SPATA6: variants seen among roughly 807,000 people sequenced by gnomAD.
The protein encoded by SPATA6 is spermatogenesis associated 6, also known as spermatogenesis-associated protein 6.
In SPATA6, 56 loss-of-function variants were observed where a neutral mutation model predicts 65.3. That is an observed-to-expected ratio of 0.86 (90% CI 0.69 to 1.07). The LOEUF (loss-of-function observed/expected upper bound fraction) is 1.07, where lower values mean the gene tolerates loss of function less well. Among genes scored for constraint, SPATA6 ranks in the 50% least tolerant of loss-of-function variants. The pLI is 0.00. For synonymous variants in SPATA6, 199 were observed against 213.2 expected (o/e 0.93, Z 0.58); for missense variants, 590 against 594.8 (o/e 0.99, Z 0.08).
intron 11 of SPATA6, among the ~76,000 whole-genome samples, chr1:48,320,233 T>C (rs767925547): frequency 7.2e-5 from 11 of 152,126 alleles, no homozygotes; most frequent in Non-Finnish European, 1.5e-4. Context: ...AAAGCCTAGA[T>C]AAAGATATTG....
intron 4 of SPATA6, among the ~76,000 whole-genome samples, chr1:48,412,415 T>A (rs1163207499): frequency 6.6e-6 from 1 of 152,180 alleles, no homozygotes. Flanking sequence ...AACTTAAAAG[T>A]CAATTTTTAT....
chr1:48,413,505 T>C (rs1270056433), intron 3 of SPATA6, among the ~76,000 whole-genome samples: 2 of 147,692 alleles, frequency 1.4e-5, no homozygotes, highest in Admixed American at 6.9e-5. Flanking sequence ...GGTTTCACCA[T>C]GTTGGCCAGG....
intron 3 of SPATA6, among the ~76,000 whole-genome samples, chr1:48,440,203 G>A (rs774665274): frequency 1.3e-5 from 2 of 152,088 alleles, no homozygotes; most frequent in Non-Finnish European, 2.9e-5. Flanking sequence ...AAGCTGTAGG[G>A]GGAGGGTAAT....
chr1:48,426,052 A>T (rs1303107202), intron 3 of SPATA6, among the ~76,000 whole-genome samples: 2 of 152,238 alleles, frequency 1.3e-5, no homozygotes, highest in African/African-American at 2.4e-5. Context: ...TAAGCCACAG[A>T]GTGGGACAAG....
At chr1:48,336,007 T>C (rs1646049239) in intron 11 of SPATA6, among the ~76,000 whole-genome samples, 3 of 151,834 alleles carry the variant, frequency 2.0e-5, no homozygotes, top group African/African-American at 7.3e-5. Flanking sequence ...AGGCATACAA[T>C]GCACCAAAAA....
intron 9 of SPATA6, among the ~76,000 whole-genome samples, chr1:48,368,293 G>T (rs1433507772): frequency 6.6e-6 from 1 of 152,124 alleles, no homozygotes; most frequent in Non-Finnish European, 1.5e-5. Context: ...TCTTCTCGAG[G>T]AGTATCTTTG....
In SPATA6 at chr1:48,297,318, G is replaced by A. The variant is rs1309546003; in HGVS notation, c.*1395C>T. On this transcript the variant is annotated 3_prime_UTR_variant, in exon 13 of 13. Coordinates refer to ENST00000371847, the MANE Select transcript of SPATA6 (RefSeq NM_019073.4). ...ATCATTTGATAGCTGAGGAAACAAA[G>A]GATCTGAGAATTAAATAGACTCAGC... is the stretch of plus-strand genomic sequence containing the variant. 2 of 152,034 alleles carry A rather than the reference G, an allele frequency of 1.3e-5. No individual in the cohort carries two copies. The highest frequency in any genetic ancestry group is 2.9e-5 in the Non-Finnish European group (2 of 68,014). The allele number at this position is 152,034 out of a possible 1,614,324, so 9.4% of individuals were successfully genotyped here. A position where few individuals can be genotyped will look rare whatever the true frequency, so the allele number is the denominator to read the frequency against.
At chr1:48,408,253 T>C (rs1422179902) in intron 5 of SPATA6, among the ~76,000 whole-genome samples, 1 of 152,218 alleles carries the variant, frequency 6.6e-6, no homozygotes, top group Non-Finnish European at 1.5e-5. Flanking sequence ...GTTTTAAAGG[T>C]CTATCCAAAT....
chr1:48,444,200 C>T (rs1003315586), intron 3 of SPATA6, among the ~76,000 whole-genome samples: 7 of 152,040 alleles, frequency 4.6e-5, no homozygotes, highest in African/African-American at 1.4e-4. Flanking sequence ...TGTAAAAACG[C>T]ACCAATCAGC....
chr1:48,371,276 T>C (rs1366548149), intron 9 of SPATA6, among the ~76,000 whole-genome samples: 9 of 130,196 alleles, frequency 6.9e-5, no homozygotes, highest in Non-Finnish European at 1.5e-4. Context: ...TCTATATAGA[T>C]AGATAGATAG....
At chr1:48,371,615 AG>A (rs796367752) in intron 9 of SPATA6, among the ~76,000 whole-genome samples, 2 of 152,222 alleles carry the variant, frequency 1.3e-5, no homozygotes, top group South Asian at 4.1e-4. Flanking sequence ...AAACTGCCCA[AG>A]GACTTATGCT....
intron 9 of SPATA6, among the ~76,000 whole-genome samples, chr1:48,381,405 A>T (rs1648561327): frequency 1.3e-5 from 2 of 152,294 alleles, no homozygotes; most frequent in Non-Finnish European, 2.9e-5. Context: ...GGCTTAGAAT[A>T]AATATTTATA....
intron 9 of SPATA6, among the ~76,000 whole-genome samples, chr1:48,369,912 C>A (rs1243706418): frequency 6.6e-6 from 1 of 152,194 alleles, no homozygotes; most frequent in African/African-American, 2.4e-5. Flanking sequence ...CCTATTCGGC[C>A]ATCTTGGCTC....
rs968631735 is a variant in SPATA6, at chr1:48,375,952, T to G, written c.909+9357A>C. Among the ~76,000 whole-genome samples the G allele has an allele frequency of 2.0e-5, 3 of 152,194 alleles. No individual in the cohort carries two copies. In the South Asian group the frequency reaches 6.2e-4, roughly 31 times the overall value. ...AATGGTCTATATTTCCTAATTGCTA[T>G]GACAAAATTTATTTTTTAATCCAGA... On this transcript the variant is annotated intron_variant, in intron 9 of 12. Coordinates refer to ENST00000371847, the MANE Select transcript of SPATA6 (RefSeq NM_019073.4).
intron 11 of SPATA6, among the ~76,000 whole-genome samples, chr1:48,315,973 T>A (rs1432035735): frequency 1.3e-5 from 2 of 152,100 alleles, no homozygotes; most frequent in African/African-American, 4.8e-5. Flanking sequence ...GAAACCAATT[T>A]AAAAGGGATG....
the SPATA6 span, among the ~76,000 whole-genome samples, chr1:48,287,003 C>T: frequency 2.7e-5 from 4 of 147,982 alleles, no homozygotes; most frequent in Admixed American, 2.0e-4. Flanking sequence ...CACGCCACTG[C>T]ACTCTTGCCT....
the SPATA6 span, among the ~76,000 whole-genome samples, chr1:48,267,844 C>T: frequency 1.6e-4 from 24 of 149,020 alleles, no homozygotes; most frequent in Admixed American, 9.4e-4. Context: ...TTCCGCCTCC[C>T]GGGTTCATGC....
chr1:48,431,889 T>C (rs948677791), intron 3 of SPATA6, among the ~76,000 whole-genome samples: 2 of 152,256 alleles, frequency 1.3e-5, no homozygotes, highest in African/African-American at 4.8e-5. Context: ...GGTGGGTGGA[T>C]TGTTTGAGTT....
In SPATA6 at chr1:48,468,609, C is replaced by T. The variant is rs1180858519; in HGVS notation, c.51+3349G>A. On this transcript the variant is annotated intron_variant, in intron 1 of 12. Coordinates refer to ENST00000371847, the MANE Select transcript of SPATA6 (RefSeq NM_019073.4). Reference sequence around the variant, plus strand: ...ACCTGAAAGGGGAACAAGGGAATTGCGAGGGGTGATGGAAGTGTTCCAAAT... The same window carrying T: ...ACCTGAAAGGGGAACAAGGGAATTGTGAGGGGTGATGGAAGTGTTCCAAAT... Among the ~76,000 whole-genome samples the T allele has an allele frequency of 5.9e-5, 9 of 151,754 alleles. No individual in the cohort carries two copies. The East Asian group carries it at 1.5e-3, about 26-fold the overall frequency.
Sources: gnomAD v4.1 joint callset for allele counts (sites outside exome capture counted in the v4.1 genomes callset) on GRCh38, gnomAD v4.1.1 for gene constraint, MANE v1.5 for transcripts, NCBI Gene and HGNC (gene_info 2026-07-23, HGNC 2026-07-21) for gene names.